Variants in TBC1D26 observed in about 807,000 individuals in gnomAD.
The protein encoded by TBC1D26 is TBC1 domain family, member 26.
TBC1D26 carries 19 observed loss-of-function variants against 42.5 expected under a neutral mutation model. The ratio of observed to expected loss-of-function variants is 0.45; its 90% CI spans 0.31 to 0.66. The LOEUF (loss-of-function observed/expected upper bound fraction) is 0.66, where lower values mean the gene tolerates loss of function less well. Ranked by LOEUF, TBC1D26 falls within the 30% of genes least tolerant of loss-of-function variation. The pLI is 0.06. For synonymous variants in TBC1D26, 97 were observed against 123.5 expected (o/e 0.79, Z 1.42); for missense variants, 228 against 332.6 (o/e 0.69, Z 2.45).
intron 1 of TBC1D26, among the ~76,000 whole-genome samples, chr17:15,734,318 C>T (rs1484170891): frequency 1.3e-5 from 2 of 152,044 alleles, no homozygotes; most frequent in Admixed American, 1.3e-4. Flanking sequence ...GGGTGAAATT[C>T]TTGGTCCAAG....
intron 5 of TBC1D26, 79 bp from the exon 6 acceptor site, chr17:15,737,918 A>G: frequency 6.3e-7 from 1 of 1,599,752 alleles, no homozygotes; most frequent in Non-Finnish European, 8.6e-7. Context: ...TCAGGGCCCC[A>G]AAGCCCTGGA....
chr17:15,741,791 C>A, intron 10 of TBC1D26, 151 bp from the exon 11 acceptor site: 2 of 699,686 alleles, frequency 2.9e-6, no homozygotes, highest in East Asian at 5.5e-5. Flanking sequence ...GGGACCTCCT[C>A]CCCAGGGCTG....
At position 15,740,132 on chromosome 17, in the gene TBC1D26, A is replaced by C; in HGVS notation, c.530A>C (p.Tyr177Ser). ...GAATTATGTGACATCCTCGTGGCCT[A>C]TTCTGCATATAACCCTGTGAGTATT... is the stretch of plus-strand genomic sequence containing the variant. ...QQELCDILVA[Y>S]SAYNPEVGYH... The change falls in exon 9 of 15, where the codon TAT becomes TCT. Residue 177 changes from tyrosine to serine, a missense_variant. Physicochemically the swap from Tyr to Ser is moderately radical, Grantham distance 144 (BLOSUM62 -2). Transcript: ENST00000437605. The C allele has an allele frequency of 6.2e-7, 1 of 1,614,100 alleles. No homozygotes were observed. Among genetic ancestry groups the C allele is most frequent in the Non-Finnish European group, 8.5e-7 (1 of 1,180,012 alleles).
chr17:15,740,976 A>G, intron 9 of TBC1D26, 146 bp from the exon 10 acceptor site: 1 of 1,018,308 alleles, frequency 9.8e-7, no homozygotes, highest in Non-Finnish European at 1.4e-6. Context: ...GTGCCAGGGG[A>G]GGGGTGCAGA....
chr17:15,741,962 G>A lies in TBC1D26; in HGVS notation c.667G>A (p.Ala223Thr). 6.2e-7 allele frequency: 1 copy of A among 1,614,084 alleles called. No homozygotes were observed. Among genetic ancestry groups the A allele is most frequent in the South Asian group, 1.1e-5 (1 of 91,072 alleles). ...LLAVFYSPNT[A>T]WLERLLSHQE... ...CTCAGTATTCTACAGCCCAAATACT[G>A]CCTGGCTCGAGAGGCTCCTATCGCA... The change falls in exon 11 of 15, where the codon GCC (alanine) becomes ACC (threonine). Residue 223 changes from alanine to threonine, a missense_variant. Around this residue, in one of 5 missense-constraint regions of TBC1D26, gnomAD observed 130 missense variants for 168.5 expected, o/e 0.77. Transcript: ENST00000437605.
chr17:15,741,262 G>C, intron 10 of TBC1D26, 41 bp downstream of exon 10: 4 of 1,611,406 alleles, frequency 2.5e-6, no homozygotes, highest in Non-Finnish European at 3.4e-6. Flanking sequence ...AGCTGCCCCC[G>C]GGGCCTTACA....
chr17:15,742,105 C>G, intron 11 of TBC1D26, 69 bp downstream of exon 11: 1 of 1,363,058 alleles, frequency 7.3e-7, no homozygotes, highest in Non-Finnish European at 1.0e-6. Context: ...AGGCTCAAGT[C>G]CCTCATGGGG....
At chr17:15,736,214 A>G (rs1005494100) in intron 4 of TBC1D26, among the ~76,000 whole-genome samples, 8 of 152,256 alleles carry the variant, frequency 5.3e-5, no homozygotes, top group African/African-American at 1.9e-4. Flanking sequence ...CAGGGGGACA[A>G]CAGAGCATGC....
intron 2 of TBC1D26, 27 bp from the exon 3 acceptor site, chr17:15,735,321 G>A: frequency 6.8e-6 from 11 of 1,612,312 alleles, no homozygotes; most frequent in Non-Finnish European, 9.3e-6. Context: ...GGGTGCGGGA[G>A]AGCCTTGGGA....
At position 15,737,941 on chromosome 17, in the gene TBC1D26, G is replaced by A. The variant is rs184274743; in HGVS notation, c.199-56G>A. The A allele has an allele frequency of 8.7e-5, 140 of 1,612,496 alleles. No homozygotes were observed. The African/African-American group carries it at 1.5e-3, about 17-fold the overall frequency. ...CCAAAGCCCTGGACCCAGCATCCAC[G>A]GGCCACTGTCAGACGCCTGGCAGCT... On this transcript the variant is annotated intron_variant, in intron 5 of 14. Coordinates refer to ENST00000437605, the MANE Select transcript of TBC1D26 (RefSeq NM_001388465.1).
At chr17:15,741,012 C>A in intron 9 of TBC1D26, 110 bp from the exon 10 acceptor site, 1 of 1,437,320 alleles carries the variant, frequency 7.0e-7, no homozygotes, top group Non-Finnish European at 9.5e-7. Context: ...CCCCTGGGGC[C>A]TGAGGCAGGT....
Position 15,743,026 on chromosome 17 carries a change from G to T in TBC1D26, c.907+18G>T. 6.5e-6 allele frequency: 1 copy of T among 153,550 alleles called. No homozygotes were observed. 9.5% of individuals were successfully genotyped at this position (153,550 alleles called of 1,614,324 possible). On this transcript the variant is annotated intron_variant, in intron 13 of 14. Transcript: ENST00000437605. ...ACACAGGAGTAAGTCCCGTGTGCCCGAGGGTGCTTGGGGGAACATGTGGGA... is the reference window on the plus strand; with the variant it reads ...ACACAGGAGTAAGTCCCGTGTGCCCTAGGGTGCTTGGGGGAACATGTGGGA...
intron 8 of TBC1D26, among the ~76,000 whole-genome samples, chr17:15,739,631 G>C (rs559855908): frequency 2.3e-4 from 35 of 152,416 alleles, no homozygotes; most frequent in African/African-American, 6.7e-4. Context: ...TTCTGGGAAA[G>C]GGCAAACCAT....
intron 1 of TBC1D26, among the ~76,000 whole-genome samples, chr17:15,734,522 G>A (rs1050293440): frequency 6.6e-6 from 1 of 151,758 alleles, no homozygotes; most frequent in Non-Finnish European, 1.5e-5. Flanking sequence ...GGTGACAATC[G>A]TCTCTCCTGG....
Position 15,742,003 on chromosome 17 carries a change from G to T in TBC1D26, c.708G>T (p.Leu236=), listed in dbSNP as rs1380870826. The T allele has an allele frequency of 6.2e-7, 1 of 1,614,058 alleles. No individual in the cohort carries two copies. The highest frequency in any genetic ancestry group is 8.5e-7 in the Non-Finnish European group (1 of 1,179,990). Residue 236 remains leucine, a synonymous_variant, in exon 11 of 15, where the codon CTG becomes CTT. Coordinates refer to ENST00000437605, the MANE Select transcript of TBC1D26 (RefSeq NM_001388465.1). The part of the protein sequence containing the change: ...ERLLSHQEQV[L]HKSFPKIMRH... ...TCCTATCGCACCAGGAGCAGGTGCT[G>T]CACAAGTCCTTCCCAAAGATCATGA... is the stretch of plus-strand genomic sequence containing the variant.
At chr17:15,743,602 C>T (rs1369230664) in intron 14 of TBC1D26, 86 bp downstream of exon 14, 2 of 376,164 alleles carry the variant, frequency 5.3e-6, no homozygotes, top group Non-Finnish European at 7.4e-6. Flanking sequence ...AGCCCTCCTA[C>T]CTGGTCTTCC....
intron 11 of TBC1D26, 97 bp downstream of exon 11, chr17:15,742,133 C>T: frequency 9.8e-7 from 1 of 1,017,138 alleles, no homozygotes. Flanking sequence ...GAGGCTGAGT[C>T]CCAGCCACGG....
At chr17:15,741,820 A>G in intron 10 of TBC1D26, 122 bp from the exon 11 acceptor site, 1 of 871,074 alleles carries the variant, frequency 1.1e-6, no homozygotes, top group South Asian at 1.7e-5. Flanking sequence ...TGCTGGGGTC[A>G]CCACATGGGA....
At chr17:15,735,999 G>T (rs1488659614) in intron 4 of TBC1D26, among the ~76,000 whole-genome samples, 2,061 of 151,872 alleles carry the variant, frequency 0.014, 2 homozygotes, top group African/African-American at 0.048. Flanking sequence ...TGTTCCCTTG[G>T]GGCCTGCCTT....
Sources: gnomAD v4.1 joint callset for allele counts (sites outside exome capture counted in the v4.1 genomes callset) on GRCh38, gnomAD v4.1.1 for gene constraint, gnomAD v4.1.1 regional missense constraint, MANE v1.5 for transcripts, NCBI Gene and HGNC (gene_info 2026-07-23, HGNC 2026-07-21) for gene names.